Variants in SMYD5 observed in about 807,000 individuals in gnomAD.
SMYD5 encodes the protein SMYD family member 5.
Under a neutral mutation model 57.4 loss-of-function variants are expected in SMYD5, and 35 were observed. The observed-to-expected ratio is 0.61, with a 90% CI of 0.47 to 0.81. SMYD5 has a LOEUF of 0.81. SMYD5 is among the 30% of genes least tolerant of loss of function. SMYD5 has a pLI of 0.00. For missense variants in SMYD5, 471 were observed against 527.9 expected (o/e 0.89, Z 1.06); for synonymous variants, 198 against 189.7 (o/e 1.04, Z -0.36).
rs1328215735 is a variant in SMYD5, at chr2:73,223,017, C to G, written c.706-19C>G. The stretch of plus-strand genomic sequence containing the variant: ...GTCAGTGGCTGTAATGAGCACTCAT[C>G]TCTTTTTTCCCCCCACAGTGGTTCA... On this transcript the variant is annotated intron_variant, in intron 7 of 12. Coordinates refer to ENST00000389501, the MANE Select transcript of SMYD5 (RefSeq NM_006062.3). 6.2e-7 allele frequency: 1 copy of G among 1,610,820 alleles called. No homozygotes were observed. Among genetic ancestry groups the G allele is most frequent in the Admixed American group, 1.7e-5 (1 of 60,034 alleles).
intron 1 of SMYD5, among the ~76,000 whole-genome samples, chr2:73,215,594 A>G (rs1434621517): frequency 6.6e-6 from 1 of 152,054 alleles, no homozygotes; most frequent in Non-Finnish European, 1.5e-5. Flanking sequence ...TCTCAGTTCC[A>G]TCATTCTTGG....
intron 11 of SMYD5, 43 bp downstream of exon 11, chr2:73,225,003 C>T: frequency 6.9e-7 from 1 of 1,458,994 alleles, no homozygotes; most frequent in Non-Finnish European, 9.6e-7. Context: ...GGCAGTAGGC[C>T]TTGGAAGTTC....
At chr2:73,223,870 CT>C in intron 9 of SMYD5, 76 bp from the exon 10 acceptor site, 1 of 1,352,976 alleles carries the variant, frequency 7.4e-7, no homozygotes, top group Non-Finnish European at 1.1e-6. Flanking sequence ...GAGACAGTGC[CT>C]GTCCGTGTAA....
chr2:73,222,710 G>A (rs1316448505), intron 6 of SMYD5, 45 bp from the exon 7 acceptor site: 6 of 1,560,294 alleles, frequency 3.8e-6, no homozygotes, highest in Non-Finnish European at 2.6e-6. Context: ...GTGCTAATGG[G>A]AAATCCCCAG....
At chr2:73,215,744 C>T (rs1686283507) in intron 1 of SMYD5, among the ~76,000 whole-genome samples, 1 of 152,166 alleles carries the variant, frequency 6.6e-6, no homozygotes, top group East Asian at 1.9e-4. Flanking sequence ...CTATCAAGGC[C>T]CTAGCTGATT....
At chr2:73,223,194 G>T in intron 8 of SMYD5, 88 bp downstream of exon 8, 1 of 1,089,276 alleles carries the variant, frequency 9.2e-7, no homozygotes, top group Non-Finnish European at 1.4e-6. Flanking sequence ...CTGGGATGGG[G>T]TAGGGTGGGA....
intron 11 of SMYD5, chr2:73,225,256 G>A: frequency 2.1e-6 from 1 of 481,976 alleles, no homozygotes; most frequent in East Asian, 3.6e-5. Context: ...AAGAAAGCAG[G>A]AGATAGCTCT....
chr2:73,214,250 G>A lies in SMYD5; in HGVS notation c.-17G>A, dbSNP rs370515102. 12 of 1,613,162 alleles carry A rather than the reference G, an allele frequency of 7.4e-6. No homozygotes were observed. The African/African-American group carries it at 1.1e-4, about 14-fold the overall frequency. On this transcript the variant is annotated 5_prime_UTR_variant, in exon 1 of 13. Transcript: ENST00000389501. ...TCGAGGCGGGGTTAAGGGTCATAAGGCGGAGGCGCGCCCAAGATGGCGGCC... is the reference window on the plus strand; with the variant it reads ...TCGAGGCGGGGTTAAGGGTCATAAGACGGAGGCGCGCCCAAGATGGCGGCC...
At chr2:73,214,587 A>G in intron 1 of SMYD5, 1 of 1,500,752 alleles carries the variant, frequency 6.7e-7, no homozygotes, top group Non-Finnish European at 8.9e-7. Flanking sequence ...ATTTCCTCCC[A>G]GCGGAATTCG....
At chr2:73,221,337 T>C (rs1256423855) in intron 5 of SMYD5, 103 bp downstream of exon 5, 5 of 907,066 alleles carry the variant, frequency 5.5e-6, no homozygotes, top group Middle Eastern at 3.1e-4. Context: ...TGCAGAGTTC[T>C]TCCTGGCCTT....
chr2:73,214,340 T>G lies in SMYD5; in HGVS notation c.74T>G (p.Val25Gly). Residue 25 changes from valine (V) to glycine (G), a missense_variant, in exon 1 of 13, where the codon GTC becomes GGC. Transcript: ENST00000389501. ...VAGRARVSVEVRFVSSAKGKG... is the reference protein window; with the variant it reads ...VAGRARVSVEGRFVSSAKGKG... ...GGCCGCGCGCGGGTCTCCGTGGAAG[T>G]CCGTTTCGTGAGCAGCGCCAAGGTG... 1 of 1,613,228 alleles carries G rather than the reference T, an allele frequency of 6.2e-7. No homozygotes were observed. Among genetic ancestry groups the G allele is most frequent in the Non-Finnish European group, 8.5e-7 (1 of 1,179,752 alleles).
chr2:73,225,516 C>G, intron 11 of SMYD5, 115 bp from the exon 12 acceptor site: 1 of 964,890 alleles, frequency 1.0e-6, no homozygotes, highest in South Asian at 1.5e-5. Context: ...TGAAGGGCAA[C>G]GCAAACTTGG....
Position 73,224,939 on chromosome 2 carries a change from G to C in SMYD5, c.1014G>C (p.Leu338=). ...ACTTCCTTTTGCATGTCACTGCTCT[G>C]GAGGATATTAAGCCAGGAGAGGTGA... ...ENNFLLHVTA[L]EDIKPGEEIC... Residue 338 remains leucine, a synonymous_variant, in exon 11 of 13, where the codon CTG becomes CTC. Transcript: ENST00000389501. The C allele has an allele frequency of 6.2e-7, 1 of 1,613,976 alleles. No individual in the cohort carries two copies. Among genetic ancestry groups the C allele is most frequent in the African/African-American group, 1.3e-5 (1 of 75,036 alleles).
intron 8 of SMYD5, 145 bp from the exon 9 acceptor site, chr2:73,223,281 G>T: frequency 2.4e-6 from 2 of 820,910 alleles, no homozygotes; most frequent in Non-Finnish European, 4.1e-6. Flanking sequence ...GGGAGCCTCT[G>T]TTGGGGAAGA....
chr2:73,220,779 G>A lies in SMYD5; in HGVS notation c.464G>A (p.Trp155Ter). ...LHPLNKLQEA[W>*]RSIHYPPETA... ...CCTCTCAATAAGCTTCAGGAGGCAT[G>A]GAGGTAGGTTTCTTTTCCTCTCTTC... The change falls in exon 4 of 13, where the codon TGG becomes TAG. Residue 155 changes from tryptophan to a stop codon, truncating the protein, a stop_gained. Coordinates refer to ENST00000389501, the MANE Select transcript of SMYD5 (RefSeq NM_006062.3). LOFTEE classifies it high-confidence loss of function. 1 of 1,613,896 alleles carries A rather than the reference G, an allele frequency of 6.2e-7. No individual in the cohort carries two copies. The highest frequency in any genetic ancestry group is 8.5e-7 in the Non-Finnish European group (1 of 1,179,968).
intron 8 of SMYD5, 29 bp from the exon 9 acceptor site, chr2:73,223,397 C>T (rs777776427): frequency 6.5e-7 from 1 of 1,532,746 alleles, no homozygotes; most frequent in East Asian, 2.2e-5. Context: ...TTCTGCCTCC[C>T]CAACCATGGG....
In SMYD5 at chr2:73,223,932, A is replaced by T. The variant is rs781101891; in HGVS notation, c.884-15A>T. 4 of 1,612,420 alleles carry T rather than the reference A, an allele frequency of 2.5e-6. No individual in the cohort carries two copies. Among genetic ancestry groups the T allele is most frequent in the Non-Finnish European group, 3.4e-6 (4 of 1,178,582 alleles). ...AAAATGGGTAGAATAATGTGTGTGT[A>T]TTACTGTCTTACAGCAACTGGAGAG... On this transcript the variant is annotated splice_polypyrimidine_tract_variant and intron_variant, in intron 9 of 12. Coordinates refer to ENST00000389501, the MANE Select transcript of SMYD5 (RefSeq NM_006062.3).
intron 1 of SMYD5, chr2:73,214,768 A>G: frequency 7.6e-7 from 1 of 1,316,812 alleles, no homozygotes; most frequent in Non-Finnish European, 1.0e-6. Flanking sequence ...ATGAGGAGAG[A>G]GGCCAAGATC....
chr2:73,222,785 A>G lies in SMYD5; in HGVS notation c.673A>G (p.Thr225Ala). 1 of 1,613,618 alleles carries G rather than the reference A, an allele frequency of 6.2e-7. No individual in the cohort carries two copies. The change falls in exon 7 of 13, where the codon ACA becomes GCA. Residue 225 changes from threonine to alanine, a missense_variant. By Grantham distance (58) the Thr-to-Ala change is moderately conservative. Transcript: ENST00000389501. ...ACTGGAACTTCTGCGGAGACTCTTC[A>G]CAGAGGCCCTCTATGAGGAAGCAGT... ...GQLELLRRLF[T>A]EALYEEAVSQ...
Sources: allele counts gnomAD v4.1 joint callset (sites outside exome capture counted in the v4.1 genomes callset), GRCh38; gene constraint gnomAD v4.1.1; transcripts MANE v1.5; gene names NCBI Gene and HGNC (gene_info 2026-07-23, HGNC 2026-07-21).